Variants in DUSP16 observed in about 807,000 individuals in gnomAD.
DUSP16 encodes dual specificity phosphatase 16.
Under a neutral mutation model 58.3 loss-of-function variants are expected in DUSP16, and 21 were observed. The ratio of observed to expected loss-of-function variants is 0.36; its 90% CI spans 0.26 to 0.52. The LOEUF is 0.52. Ranked by LOEUF, DUSP16 falls within the 20% of genes least tolerant of loss-of-function variation. DUSP16 has a pLI of 0.94. For missense variants in DUSP16, 726 were observed against 819.0 expected (o/e 0.89, Z 1.39); for synonymous variants, 320 against 323.8 (o/e 0.99, Z 0.12).
chr12:12,504,691 TAAAA>T (rs57833371), intron 3 of DUSP16, among the ~76,000 whole-genome samples: 149 of 119,118 alleles, frequency 1.3e-3, no homozygotes, highest in African/African-American at 4.2e-3. Context: ...CAATCTCTGT[TAAAA>T]AAAAAAAAAA....
chr12:12,482,482 T>C (rs1330875677), intron 5 of DUSP16, among the ~76,000 whole-genome samples: 1 of 152,180 alleles, frequency 6.6e-6, no homozygotes, highest in Non-Finnish European at 1.5e-5. Context: ...TTCACCAGCA[T>C]GCATCTTGGG....
chr12:12,480,457 C>A (rs1943543244), intron 5 of DUSP16, 111 bp from the exon 6 acceptor site: 2 of 1,290,664 alleles, frequency 1.5e-6, no homozygotes, highest in African/African-American at 1.5e-5. Context: ...CTACGCAAAT[C>A]TCATCTGTGT....
intron 3 of DUSP16, among the ~76,000 whole-genome samples, chr12:12,501,655 A>G (rs998394110): frequency 7.2e-5 from 11 of 152,186 alleles, no homozygotes; most frequent in Admixed American, 6.5e-4. Flanking sequence ...GTCCGAATCA[A>G]GGAGATTTGG....
rs768689494 is a variant in DUSP16 at position 12,534,390 on chromosome 12, G to A, written c.-365-12927C>T. ...TAGGCTGAAGAATCACAGCACCACAGGAAAGCAAGGACACTAAAGGCTAGC... is the reference window on the plus strand; with the variant it reads ...TAGGCTGAAGAATCACAGCACCACAAGAAAGCAAGGACACTAAAGGCTAGC... On this transcript the variant is annotated intron_variant, in intron 1 of 6. Coordinates refer to ENST00000298573, the MANE Select transcript of DUSP16 (RefSeq NM_030640.3). Among the ~76,000 whole-genome samples, 39 of 152,212 alleles carry A rather than the reference G, an allele frequency of 2.6e-4. 2 individuals are homozygous for A. The highest frequency in any genetic ancestry group is 2.2e-4 in the Non-Finnish European group (15 of 68,044).
intron 3 of DUSP16, among the ~76,000 whole-genome samples, chr12:12,512,373 G>A (rs570782932): frequency 6.6e-6 from 1 of 152,222 alleles, no homozygotes; most frequent in South Asian, 2.1e-4. Context: ...CAAATTTGAA[G>A]TATATGGTAC....
chr12:12,505,856 C>T (rs1303995627), intron 3 of DUSP16, among the ~76,000 whole-genome samples: 1 of 152,214 alleles, frequency 6.6e-6, no homozygotes, highest in Non-Finnish European at 1.5e-5. Flanking sequence ...AAATCTTTCT[C>T]AACTGATATC....
intron 5 of DUSP16, 54 bp downstream of exon 5, chr12:12,486,974 C>G: frequency 6.3e-7 from 1 of 1,599,990 alleles, no homozygotes; most frequent in Non-Finnish European, 8.6e-7. Context: ...AGGGGGTTCA[C>G]CTACACATGA....
At chr12:12,543,859 T>A (rs1360554337) in intron 1 of DUSP16, among the ~76,000 whole-genome samples, 2 of 152,038 alleles carry the variant, frequency 1.3e-5, no homozygotes, top group African/African-American at 2.4e-5. Context: ...CAGTTATTTG[T>A]ATTTGTAATA....
intron 1 of DUSP16, among the ~76,000 whole-genome samples, chr12:12,543,133 T>C (rs1944590637): frequency 1.3e-5 from 2 of 152,218 alleles, no homozygotes; most frequent in Admixed American, 1.3e-4. Flanking sequence ...AAACTAAGAC[T>C]GTACTAGACA....
rs566753995 is a variant in DUSP16 at position 12,525,330 on chromosome 12, C to T, written c.-365-3867G>A. Among the ~76,000 whole-genome samples the T allele has an allele frequency of 3.2e-3, 478 of 151,494 alleles. 2 individuals carry two copies. Among genetic ancestry groups the T allele is most frequent in the African/African-American group, 0.011 (442 of 41,242 alleles). On this transcript the variant is annotated intron_variant, in intron 1 of 6. Coordinates refer to ENST00000298573, the MANE Select transcript of DUSP16 (RefSeq NM_030640.3). ...TATTGCCCAGGCTGGAGTGCAATGG[C>T]GCATCTCGGCTCACCGCAACCTCCA...
chr12:12,540,144 A>T (rs911661399), intron 1 of DUSP16, among the ~76,000 whole-genome samples: 3 of 150,464 alleles, frequency 2.0e-5, no homozygotes, highest in Non-Finnish European at 3.0e-5. Context: ...AAAAAAAAAA[A>T]CTAAAAAAAA....
intron 4 of DUSP16, among the ~76,000 whole-genome samples, chr12:12,493,110 A>G (rs918865285): frequency 6.6e-6 from 1 of 150,900 alleles, no homozygotes; most frequent in Non-Finnish European, 1.5e-5. Context: ...TCCTTCAGGG[A>G]TCCCCCTGCC....
intron 4 of DUSP16, among the ~76,000 whole-genome samples, chr12:12,493,370 A>G (rs1943787388): frequency 1.3e-5 from 2 of 152,158 alleles, no homozygotes; most frequent in Admixed American, 1.3e-4. Context: ...ACACATTACC[A>G]TGGAGCCTCC....
Position 12,552,569 on chromosome 12 carries a change from C to T in DUSP16, c.-366+9548G>A, listed in dbSNP as rs376472651. ...CCTTCTTCAACTATGTATCCGTGTG[C>T]AGCCAGGTTTTCTTCACGTATTTCA... is the stretch of plus-strand genomic sequence containing the variant. On this transcript the variant is annotated intron_variant, in intron 1 of 6. Coordinates refer to ENST00000298573, the MANE Select transcript of DUSP16 (RefSeq NM_030640.3). Among the ~76,000 whole-genome samples the T allele has an allele frequency of 2.0e-5, 3 of 152,162 alleles. No individual in the cohort carries two copies. In the South Asian group the frequency reaches 6.2e-4, roughly 32 times the overall value.
chr12:12,484,807 A>C (rs867045977), intron 5 of DUSP16, among the ~76,000 whole-genome samples: 26 of 151,952 alleles, frequency 1.7e-4, no homozygotes, highest in African/African-American at 6.3e-4. Context: ...TTTTTAGTAG[A>C]GACGTGTTGG....
At chr12:12,530,182 C>G (rs899148958) in intron 1 of DUSP16, among the ~76,000 whole-genome samples, 2 of 152,158 alleles carry the variant, frequency 1.3e-5, no homozygotes, top group African/African-American at 4.8e-5. Flanking sequence ...CACTGATCTT[C>G]TGTCTTTTGA....
At chr12:12,515,294 T>A (rs1014632555) in intron 3 of DUSP16, among the ~76,000 whole-genome samples, 4 of 151,674 alleles carry the variant, frequency 2.6e-5, no homozygotes, top group African/African-American at 9.7e-5. Context: ...TTATGATACA[T>A]TTATGTTACA....
chr12:12,485,886 C>T (rs897150972), intron 5 of DUSP16, among the ~76,000 whole-genome samples: 12 of 148,456 alleles, frequency 8.1e-5, no homozygotes, highest in Non-Finnish European at 8.9e-5. Context: ...CTCTGCCTCC[C>T]GGGTTCATGC....
chr12:12,521,094 G>A lies in DUSP16; in HGVS notation c.5C>T (p.Ala2Val), dbSNP rs751652324. ...AATTTGAGTTCCAATCATCTCATGG[G>A]CCATGACAACAATAAGTCCTCTTTT... M[A>V]HEMIGTQIVT... Residue 2 changes from alanine (A) to valine (V), a missense_variant, in exon 2 of 7, where the codon GCC (alanine) becomes GTC (valine). Transcript: ENST00000298573. 2 of 1,613,946 alleles carry A rather than the reference G, an allele frequency of 1.2e-6. No individual in the cohort carries two copies. The highest frequency in any genetic ancestry group is 1.7e-6 in the Non-Finnish European group (2 of 1,179,946).
Sources: allele counts gnomAD v4.1 joint callset (sites outside exome capture counted in the v4.1 genomes callset), GRCh38; gene constraint gnomAD v4.1.1; transcripts MANE v1.5; gene names NCBI Gene and HGNC (gene_info 2026-07-23, HGNC 2026-07-21).